The following LRMDA variants were observed in gnomAD, a reference collection of about 807,000 sequenced individuals.
LRMDA encodes the protein leucine-rich melanocyte differentiation-associated protein.
A neutral mutation model predicts 29.8 loss-of-function variants in LRMDA; 18 were observed. That is an observed-to-expected ratio of 0.60 (90% CI 0.42 to 0.90). The LOEUF (loss-of-function observed/expected upper bound fraction) is 0.90. LRMDA is among the 40% of genes least tolerant of loss of function. The pLI is 0.00. For synonymous variants in LRMDA, 125 were observed against 109.4 expected (o/e 1.14, Z -0.89); for missense variants, 273 against 273.9 (o/e 1.00, Z 0.02).
Position 76,427,601 on chromosome 10 carries a change from C to A in LRMDA, c.601+103116C>A, listed in dbSNP as rs946916066. Among the ~76,000 whole-genome samples the A allele has an allele frequency of 2.8e-4, 43 of 152,282 alleles. No homozygotes were observed. The East Asian group carries it at 7.3e-3, about 26-fold the overall frequency. On this transcript the variant is annotated intron_variant, in intron 6 of 6. Coordinates refer to ENST00000611255, the MANE Select transcript of LRMDA (RefSeq NM_001305581.2). ...CTAATTGAATGCCCTTTATTTCCTT[C>A]TCCTGCCTGATTGCCCTGGCCAGAA...
chr10:76,440,211 G>C (rs563329027), intron 6 of LRMDA, among the ~76,000 whole-genome samples: 90 of 152,348 alleles, frequency 5.9e-4, no homozygotes, highest in Non-Finnish European at 1.2e-3. Context: ...CTCTGGAAAG[G>C]TTTGGAACTT....
intron 2 of LRMDA, among the ~76,000 whole-genome samples, chr10:75,866,153 C>T (rs1323329823): frequency 6.6e-6 from 1 of 152,180 alleles, no homozygotes; most frequent in Non-Finnish European, 1.5e-5. Flanking sequence ...AACCCTGGAC[C>T]CTGTGACTAG....
intron 5 of LRMDA, among the ~76,000 whole-genome samples, chr10:76,292,675 T>C (rs1039707601): frequency 1.3e-5 from 2 of 152,158 alleles, no homozygotes; most frequent in East Asian, 3.9e-4. Context: ...ATGATACTAC[T>C]TTATGACTCT....
At chr10:76,444,918 T>C (rs998634420) in intron 6 of LRMDA, among the ~76,000 whole-genome samples, 1 of 152,168 alleles carries the variant, frequency 6.6e-6, no homozygotes, top group African/African-American at 2.4e-5. Context: ...TGTACATATA[T>C]ACATATATGT....
chr10:75,789,798 A>G (rs1843535055), intron 2 of LRMDA, among the ~76,000 whole-genome samples: 2 of 152,166 alleles, frequency 1.3e-5, no homozygotes, highest in East Asian at 1.9e-4. Flanking sequence ...TGCTGTTGCT[A>G]TATTTGGATG....
chr10:76,140,766 C>G (rs1315671633), intron 5 of LRMDA, among the ~76,000 whole-genome samples: 1 of 152,088 alleles, frequency 6.6e-6, no homozygotes, highest in Admixed American at 6.6e-5. Context: ...TCAATCTCCT[C>G]CCTGAAATTT....
chr10:76,455,166 A>AT (rs2132303162), intron 6 of LRMDA, among the ~76,000 whole-genome samples: 1 of 152,334 alleles, frequency 6.6e-6, no homozygotes, highest in East Asian at 1.9e-4. Context: ...TGCCCATTGG[A>AT]TCAACATCTA....
At chr10:76,106,824 G>C (rs190227305) in intron 5 of LRMDA, among the ~76,000 whole-genome samples, 1 of 152,160 alleles carries the variant, frequency 6.6e-6, no homozygotes, top group Non-Finnish European at 1.5e-5. Context: ...TCTCTGTAGC[G>C]ACAGAAGGTG....
At chr10:76,367,777 G>T (rs928218411) in intron 6 of LRMDA, among the ~76,000 whole-genome samples, 49 of 152,002 alleles carry the variant, frequency 3.2e-4, no homozygotes, top group African/African-American at 1.2e-3. Flanking sequence ...TTTCAATCTT[G>T]CTGCTTGTTA....
At chr10:76,487,139 A>G (rs1233437825) in intron 6 of LRMDA, among the ~76,000 whole-genome samples, 2 of 151,906 alleles carry the variant, frequency 1.3e-5, no homozygotes, top group African/African-American at 2.4e-5. Flanking sequence ...AAGTCCCTCT[A>G]TGAAGGATGT....
At chr10:76,502,796 C>A (rs1355142691) in intron 6 of LRMDA, among the ~76,000 whole-genome samples, 1 of 150,770 alleles carries the variant, frequency 6.6e-6, no homozygotes, top group Admixed American at 6.6e-5. Flanking sequence ...AGCCTTTTGG[C>A]AGAGTCTTTA....
At chr10:76,144,550 G>A (rs1157008790) in intron 5 of LRMDA, among the ~76,000 whole-genome samples, 4 of 152,210 alleles carry the variant, frequency 2.6e-5, no homozygotes, top group Admixed American at 6.5e-5. Context: ...TTTGTATCCT[G>A]AGACTTTGCT....
At chr10:76,430,201 C>T (rs1873465) in intron 6 of LRMDA, among the ~76,000 whole-genome samples, 126,148 of 152,054 alleles carry the variant, frequency 0.83, 53,364 homozygotes, top group Non-Finnish European at 0.92. Flanking sequence ...TTAGGAGTGT[C>T]GGCAGTATCA....
chr10:75,446,580 G>A (rs188976104), intron 2 of LRMDA, among the ~76,000 whole-genome samples: 97 of 152,352 alleles, frequency 6.4e-4, no homozygotes, highest in Admixed American at 1.5e-3. Context: ...ATGATCATCA[G>A]TCTTGGGTTC....
chr10:76,205,751 T>C (rs16933027), intron 5 of LRMDA, among the ~76,000 whole-genome samples: 40,682 of 152,012 alleles, frequency 0.27, 6,294 homozygotes, highest in East Asian at 0.6. Flanking sequence ...TTCATTTAGC[T>C]ATTCCAGTGG....
chr10:75,433,337 G>A (rs1216568218), intron 1 of LRMDA, among the ~76,000 whole-genome samples: 1 of 152,124 alleles, frequency 6.6e-6, no homozygotes, highest in East Asian at 1.9e-4. Context: ...TGCAGCCCCT[G>A]TTCTTAGCCT....
intron 2 of LRMDA, among the ~76,000 whole-genome samples, chr10:75,731,286 A>G (rs1290157209): frequency 2.6e-5 from 4 of 152,220 alleles, no homozygotes; most frequent in African/African-American, 9.6e-5. Flanking sequence ...TTTGAAATGG[A>G]AATGCAAAGA....
At chr10:76,203,335 A>G (rs529493482) in intron 5 of LRMDA, among the ~76,000 whole-genome samples, 1 of 152,190 alleles carries the variant, frequency 6.6e-6, no homozygotes, top group African/African-American at 2.4e-5. Context: ...ACTGCGTCTC[A>G]CTCACTGTGT....
At chr10:76,423,948 TCA>T (rs934728604) in intron 6 of LRMDA, among the ~76,000 whole-genome samples, 3 of 152,148 alleles carry the variant, frequency 2.0e-5, no homozygotes, top group Non-Finnish European at 4.4e-5. Context: ...AGGGAAAATA[TCA>T]CAGAGTATGC....
Sources: allele counts gnomAD v4.1 joint callset (sites outside exome capture counted in the v4.1 genomes callset), GRCh38; gene constraint gnomAD v4.1.1; transcripts MANE v1.5; gene names NCBI Gene and HGNC (gene_info 2026-07-23, HGNC 2026-07-21).